The following GBE1 variants were observed in gnomAD, a reference collection of about 807,000 sequenced individuals.
The protein encoded by GBE1 is 1,4-alpha-glucan-branching enzyme.
A neutral mutation model predicts 88.8 loss-of-function variants in GBE1; 70 were observed. The observed-to-expected ratio is 0.79, with a 90% CI of 0.65 to 0.96. The LOEUF is 0.96. Ranked by LOEUF, GBE1 falls within the 40% of genes least tolerant of loss-of-function variation. The pLI is 0.00. For missense variants in GBE1, 872 were observed against 871.0 expected, an observed-to-expected ratio of 1.00 and a Z score of -0.01; for synonymous variants, 284 against 300.1, an observed-to-expected ratio of 0.95 and a Z score of 0.56.
chr3:81,610,696 A>G (rs1317257636), intron 7 of GBE1, among the ~76,000 whole-genome samples: 1 of 152,184 alleles, frequency 6.6e-6, no homozygotes, highest in African/African-American at 2.4e-5. Context: ...CTGTGACTGC[A>G]GGTGGCTCTA....
At chr3:81,712,434 A>G (rs375488591) in intron 1 of GBE1, among the ~76,000 whole-genome samples, 3 of 152,154 alleles carry the variant, frequency 2.0e-5, no homozygotes, top group African/African-American at 7.2e-5. Flanking sequence ...TTAAGAAAAT[A>G]TGGCACATAT....
chr3:81,643,338 C>G (rs1275035877), intron 6 of GBE1, among the ~76,000 whole-genome samples: 2 of 152,118 alleles, frequency 1.3e-5, no homozygotes, highest in Non-Finnish European at 2.9e-5. Flanking sequence ...CTGCCCATTA[C>G]TTACAGGGTG....
intron 1 of GBE1, among the ~76,000 whole-genome samples, chr3:81,748,314 CAT>C (rs1390171182): frequency 7.9e-5 from 12 of 152,220 alleles, no homozygotes; most frequent in Admixed American, 6.5e-4. Context: ...TATTAGTTAA[CAT>C]AAAAAATAGT....
rs76327759 is a variant in GBE1 at position 81,524,922 on chromosome 3, T to C, written c.1934+10273A>G. Among the ~76,000 whole-genome samples the C allele has an allele frequency of 4.6e-3, 701 of 152,072 alleles. 9 individuals are homozygous for C. Among genetic ancestry groups the C allele is most frequent in the African/African-American group, 0.015 (638 of 41,530 alleles). ...TTATGATTTCAAGTAAATTTTAGGA[T>C]TGTTTTTCCATTTATTTGACAAATA... On this transcript the variant is annotated intron_variant, in intron 14 of 15. Coordinates refer to ENST00000429644, the MANE Select transcript of GBE1 (RefSeq NM_000158.4).
At chr3:81,750,990 T>A (rs1453934532) in intron 1 of GBE1, among the ~76,000 whole-genome samples, 1 of 151,744 alleles carries the variant, frequency 6.6e-6, no homozygotes, top group African/African-American at 2.4e-5. Flanking sequence ...ATTCTTATAT[T>A]TTCTAAGAAT....
rs1486569256 is a variant in GBE1 at position 81,490,047 on chromosome 3, C to T, written c.*360G>A. The T allele has an allele frequency of 4.6e-6, 1 of 217,088 alleles. No homozygotes were observed. Among genetic ancestry groups the T allele is most frequent in the Non-Finnish European group, 9.0e-6 (1 of 110,562 alleles). The allele number at this position is 217,088 out of a possible 1,614,324, so 13.4% of individuals were successfully genotyped here. The stretch of plus-strand genomic sequence containing the variant: ...AAATATCCATCTTAAATACTGTGTA[C>T]ATTTAACAGAAATAATCATACATGA... On this transcript the variant is annotated 3_prime_UTR_variant, in exon 16 of 16. Transcript: ENST00000429644.
At chr3:81,648,148 C>T (rs1268714899) in intron 5 of GBE1, among the ~76,000 whole-genome samples, 2 of 152,070 alleles carry the variant, frequency 1.3e-5, no homozygotes, top group African/African-American at 4.8e-5. Flanking sequence ...TTCTTCTAGC[C>T]AAAATTTGGA....
At chr3:81,672,247 C>T (rs1481595311) in intron 2 of GBE1, among the ~76,000 whole-genome samples, 3 of 151,850 alleles carry the variant, frequency 2.0e-5, no homozygotes, top group Non-Finnish European at 4.4e-5. Context: ...CCCCACAGCC[C>T]GACAATTCAG....
chr3:81,712,662 G>C (rs188605576), intron 1 of GBE1, among the ~76,000 whole-genome samples: 3 of 152,004 alleles, frequency 2.0e-5, no homozygotes, highest in Non-Finnish European at 2.9e-5. Context: ...GTGGGGGAAG[G>C]GGGGAGGGAT....
chr3:81,591,222 C>T, intron 8 of GBE1, 58 bp from the exon 9 acceptor site: 1 of 1,292,422 alleles, frequency 7.7e-7, no homozygotes, highest in Non-Finnish European at 1.1e-6. Context: ...CTTAACTCTG[C>T]ACAAATACAT....
chr3:81,761,231 G>T, intron 1 of GBE1, 144 bp downstream of exon 1: 1 of 1,080,750 alleles, frequency 9.3e-7, no homozygotes, highest in Non-Finnish European at 1.3e-6. Flanking sequence ...GGTTACCCGA[G>T]TCACCCCGAG....
chr3:81,540,896 T>C (rs898207983), intron 12 of GBE1, among the ~76,000 whole-genome samples: 1 of 152,058 alleles, frequency 6.6e-6, no homozygotes, highest in African/African-American at 2.4e-5. Flanking sequence ...AGGTTATTTG[T>C]AGTTTAACTG....
chr3:81,723,693 T>G (rs1016722680), intron 1 of GBE1, among the ~76,000 whole-genome samples: 2 of 152,164 alleles, frequency 1.3e-5, no homozygotes, highest in Non-Finnish European at 2.9e-5. Flanking sequence ...CTAAAAGTAG[T>G]GGCACTGAAG....
At chr3:81,693,551 C>G (rs1705551476) in intron 2 of GBE1, among the ~76,000 whole-genome samples, 2 of 152,032 alleles carry the variant, frequency 1.3e-5, no homozygotes, top group Non-Finnish European at 2.9e-5. Flanking sequence ...GGTTATTGTC[C>G]CTCTTGTGCA....
intron 5 of GBE1, among the ~76,000 whole-genome samples, chr3:81,647,241 A>T (rs1021476462): frequency 6.6e-6 from 1 of 152,134 alleles, no homozygotes; most frequent in Admixed American, 6.5e-5. Context: ...TACAGGCGTG[A>T]GCCACCGCGC....
rs984925266 is a variant in GBE1, at chr3:81,490,164, G to C, written c.*243C>G. On this transcript the variant is annotated 3_prime_UTR_variant, in exon 16 of 16. Transcript: ENST00000429644. ...TATTATATATAACACTTCCATTTGA[G>C]AATCCTAGCTGCTAAGATGACTTGA... 2 of 490,058 alleles carry C rather than the reference G, an allele frequency of 4.1e-6. No homozygotes were observed. The highest frequency in any genetic ancestry group is 2.9e-5 in the South Asian group (1 of 34,508). The allele number at this position is 490,058 out of a possible 1,614,324, so 30.4% of individuals were successfully genotyped here.
intron 3 of GBE1, among the ~76,000 whole-genome samples, chr3:81,665,206 T>G (rs879937058): frequency 6.6e-6 from 1 of 152,142 alleles, no homozygotes; most frequent in Non-Finnish European, 1.5e-5. Context: ...TTATGAAAAT[T>G]AAACAAATGA....
At chr3:81,694,820 T>G (rs1490360335) in intron 2 of GBE1, among the ~76,000 whole-genome samples, 1 of 152,168 alleles carries the variant, frequency 6.6e-6, no homozygotes, top group Non-Finnish European at 1.5e-5. Flanking sequence ...TGATACAGTT[T>G]CCTTTGTAGC....
chr3:81,510,130 C>A (rs1425743065), intron 14 of GBE1, among the ~76,000 whole-genome samples: 1 of 152,030 alleles, frequency 6.6e-6, no homozygotes, highest in Admixed American at 6.6e-5. Context: ...AACTTAAGCA[C>A]AGAACATCAA....
Sources: allele counts gnomAD v4.1 joint callset (sites outside exome capture counted in the v4.1 genomes callset), GRCh38; gene constraint gnomAD v4.1.1; transcripts MANE v1.5; gene names NCBI Gene and HGNC (gene_info 2026-07-23, HGNC 2026-07-21).